Variants in GPLD1 observed in about 807,000 individuals in gnomAD.
GPLD1 encodes glycosylphosphatidylinositol specific phospholipase D1.
In GPLD1, 84 loss-of-function variants were observed where a neutral mutation model predicts 112.6. The ratio of observed to expected loss-of-function variants is 0.75; its 90% CI spans 0.63 to 0.89. The LOEUF is 0.89. Ranked by LOEUF, GPLD1 falls within the 40% of genes least tolerant of loss-of-function variation. The probability of loss-of-function intolerance (pLI) is 0.00; values close to 1 mark genes in which losing one functional copy is unlikely to be tolerated. For synonymous variants in GPLD1, 386 were observed against 403.8 expected (o/e 0.96, Z 0.53); for missense variants, 1,044 against 1,051.5 (o/e 0.99, Z 0.10).
intron 3 of GPLD1, 81 bp from the exon 4 acceptor site, chr6:24,476,359 G>A (rs901743571): frequency 1.5e-5 from 11 of 724,532 alleles, no homozygotes; most frequent in Admixed American, 4.2e-5. Flanking sequence ...CACCCGCTGC[G>A]CTGCTGTGTC....
chr6:24,445,484 T>A, intron 20 of GPLD1, 62 bp downstream of exon 20: 1 of 1,050,704 alleles, frequency 9.5e-7, no homozygotes, highest in Non-Finnish European at 1.5e-6. Context: ...TTTCCTCCAA[T>A]ACGACATGTA....
At chr6:24,435,436 C>G (rs578161998) in intron 22 of GPLD1, among the ~76,000 whole-genome samples, 11 of 152,232 alleles carry the variant, frequency 7.2e-5, no homozygotes, top group African/African-American at 2.4e-4. Flanking sequence ...TAAAGGTAAG[C>G]AGGTATTAGC....
At chr6:24,488,960 T>C (rs1764474103) in intron 1 of GPLD1, among the ~76,000 whole-genome samples, 1 of 152,182 alleles carries the variant, frequency 6.6e-6, no homozygotes, top group Non-Finnish European at 1.5e-5. Context: ...TACAGCAATT[T>C]GACTCAGGGA....
At chr6:24,450,507 A>C (rs1763047408) in intron 14 of GPLD1, among the ~76,000 whole-genome samples, 1 of 149,590 alleles carries the variant, frequency 6.7e-6, no homozygotes, top group Admixed American at 6.6e-5. Flanking sequence ...TCTCAAAAAA[A>C]CAAACAAACA....
intron 1 of GPLD1, 131 bp downstream of exon 1, chr6:24,489,284 G>T: frequency 1.5e-6 from 1 of 656,604 alleles, no homozygotes. Flanking sequence ...TCTCCTCCCT[G>T]CTGTCAGGCC....
intron 10 of GPLD1, among the ~76,000 whole-genome samples, chr6:24,466,474 C>G (rs925576933): frequency 3.3e-5 from 5 of 152,246 alleles, no homozygotes; most frequent in Admixed American, 6.5e-5. Context: ...CGAGCAGCAT[C>G]AACCAAGCCA....
chr6:24,468,186 G>A (rs144567043), intron 7 of GPLD1, among the ~76,000 whole-genome samples: 2,703 of 152,236 alleles, frequency 0.018, 51 homozygotes, highest in African/African-American at 0.051. Flanking sequence ...GATTACAGGC[G>A]TGAGCCACCA....
At chr6:24,456,374 G>A (rs1205567328) in intron 13 of GPLD1, 124 bp downstream of exon 13, 1 of 663,642 alleles carries the variant, frequency 1.5e-6, no homozygotes, top group Non-Finnish European at 2.5e-6. Flanking sequence ...TCCAGCCTGG[G>A]TGACAAGTGA....
intron 2 of GPLD1, among the ~76,000 whole-genome samples, chr6:24,481,816 A>G (rs1764212997): frequency 6.6e-6 from 1 of 152,130 alleles, no homozygotes; most frequent in Non-Finnish European, 1.5e-5. Context: ...ATGAACCAAT[A>G]AAGTCCACTT....
intron 24 of GPLD1, among the ~76,000 whole-genome samples, chr6:24,430,340 T>G (rs1041481823): frequency 2.0e-5 from 3 of 152,218 alleles, no homozygotes; most frequent in Admixed American, 1.3e-4. Flanking sequence ...AGCAGAGACT[T>G]CTGCTGCAGT....
intron 13 of GPLD1, among the ~76,000 whole-genome samples, chr6:24,455,923 C>T (rs1313926057): frequency 6.6e-6 from 1 of 152,116 alleles, no homozygotes; most frequent in Non-Finnish European, 1.5e-5. Context: ...GCTTGTAATC[C>T]CAGCACTTTG....
chr6:24,465,705 T>C (rs535923457), intron 10 of GPLD1, among the ~76,000 whole-genome samples: 49 of 152,218 alleles, frequency 3.2e-4, no homozygotes, highest in South Asian at 6.2e-4. Context: ...GTCTACCTTA[T>C]CTATATTTCG....
At chr6:24,444,906 T>C (rs1762857956) in intron 20 of GPLD1, among the ~76,000 whole-genome samples, 2 of 152,264 alleles carry the variant, frequency 1.3e-5, no homozygotes, top group South Asian at 2.1e-4. Context: ...AACTGACTTA[T>C]ACAATTTTTC....
At chr6:24,453,945 G>T in intron 14 of GPLD1, 70 bp downstream of exon 14, 1 of 962,868 alleles carries the variant, frequency 1.0e-6, no homozygotes, top group Non-Finnish European at 1.6e-6. Context: ...TACTCATCCT[G>T]GAGAATCTGC....
intron 13 of GPLD1, among the ~76,000 whole-genome samples, chr6:24,455,084 AG>A (rs1160272278): frequency 6.6e-6 from 1 of 152,244 alleles, no homozygotes; most frequent in Non-Finnish European, 1.5e-5. Context: ...AGCCGAAATC[AG>A]AACAAACGGC....
chr6:24,493,971 G>A (rs1764622616), upstream of GPLD1, among the ~76,000 whole-genome samples: 1 of 152,188 alleles, frequency 6.6e-6, no homozygotes, highest in South Asian at 2.1e-4. Context: ...ATCCTCATTA[G>A]GTTTTAAGCT....
chr6:24,475,631 T>A lies in GPLD1; in HGVS notation c.331-400A>T, dbSNP rs1341130379. On this transcript the variant is annotated intron_variant, in intron 4 of 24. Coordinates refer to ENST00000230036, the MANE Select transcript of GPLD1 (RefSeq NM_001503.4). Reference sequence around the variant, plus strand: ...AGGCCTATGCAGGTGGATCACGAGGTCAGGAAATCGAGACCATCCTGGCTA... The same window carrying A: ...AGGCCTATGCAGGTGGATCACGAGGACAGGAAATCGAGACCATCCTGGCTA... Among the ~76,000 whole-genome samples the A allele has an allele frequency of 9.9e-5, 14 of 141,322 alleles. No individual in the cohort carries two copies. In the East Asian group the frequency reaches 2.7e-3, roughly 27 times the overall value. 92.7% of individuals were successfully genotyped at this position (141,322 alleles called of 152,430 possible).
chr6:24,458,721 A>T (rs1397382081), intron 12 of GPLD1, among the ~76,000 whole-genome samples: 1 of 152,110 alleles, frequency 6.6e-6, no homozygotes, highest in African/African-American at 2.4e-5. Context: ...TCTACTAAAA[A>T]TACAAAAAGT....
At position 24,429,063 on chromosome 6, in the gene GPLD1, G is replaced by A. The variant is rs369644095; in HGVS notation, c.2492C>T (p.Ala831Val). 28 of 1,613,518 alleles carry A rather than the reference G, an allele frequency of 1.7e-5. No homozygotes were observed. In the African/African-American group the frequency reaches 3.6e-4, roughly 21 times the overall value. The change falls in exon 25 of 25, where the codon GCA (alanine) becomes GTA (valine). Residue 831 changes from alanine (A) to valine (V), a missense_variant. By Grantham distance (64) the Ala-to-Val change is moderately conservative (BLOSUM62 0). Coordinates refer to ENST00000230036, the MANE Select transcript of GPLD1 (RefSeq NM_001503.4). ...TGAGCCAAGGCTATAGACGTGAAGT[G>A]CCCCGGAGAGTCGGGCTCCCAAAGA... Reference protein sequence around the residue: ...RSSLGARLSGALHVYSLGSD With the variant: ...RSSLGARLSGVLHVYSLGSD
Sources: allele counts gnomAD v4.1 joint callset (sites outside exome capture counted in the v4.1 genomes callset), GRCh38; gene constraint gnomAD v4.1.1; transcripts MANE v1.5; gene names NCBI Gene and HGNC (gene_info 2026-07-23, HGNC 2026-07-21).